The following LRRC4C variants were observed in gnomAD, a reference collection of about 807,000 sequenced individuals.
The protein encoded by LRRC4C is leucine-rich repeat-containing protein 4C.
In LRRC4C, 5 loss-of-function variants were observed where a neutral mutation model predicts 33.6. That is an observed-to-expected ratio of 0.15 (90% confidence interval 0.08 to 0.31). The LOEUF (loss-of-function observed/expected upper bound fraction) is 0.31, where lower values mean the gene tolerates loss of function less well. Ranked by LOEUF, LRRC4C falls within the 10% of genes least tolerant of loss-of-function variation. LRRC4C has a pLI of 1.00. For synonymous variants in LRRC4C, 329 were observed against 302.0 expected (o/e 1.09, Z -0.93); for missense variants, 560 against 796.7 (o/e 0.70, Z 3.58).
chr11:41,054,668 G>T (rs1858487470), intron 1 of LRRC4C, among the ~76,000 whole-genome samples: 1 of 152,156 alleles, frequency 6.6e-6, no homozygotes, highest in South Asian at 2.1e-4. Context: ...CTTATCTTTT[G>T]GGTTGATTGA....
intron 3 of LRRC4C, among the ~76,000 whole-genome samples, chr11:40,646,663 G>A (rs1440043687): frequency 1.3e-5 from 2 of 152,174 alleles, no homozygotes; most frequent in Non-Finnish European, 2.9e-5. Context: ...CCGGACTGCA[G>A]TGGCACTATC....
intron 2 of LRRC4C, among the ~76,000 whole-genome samples, chr11:40,877,673 G>A (rs966508089): frequency 6.6e-6 from 1 of 152,102 alleles, no homozygotes. Context: ...TTAGCAATGC[G>A]GTTAGCCACT....
At chr11:41,316,280 C>CAAAAA (rs796848005) in intron 1 of LRRC4C, among the ~76,000 whole-genome samples, 2 of 90,656 alleles carry the variant, frequency 2.2e-5, no homozygotes, top group Non-Finnish European at 4.6e-5. Flanking sequence ...AAAAAAAAAA[C>CAAAAA]AAAAAAAAAC....
chr11:40,740,996 C>T (rs1384409905), intron 2 of LRRC4C, among the ~76,000 whole-genome samples: 3 of 151,958 alleles, frequency 2.0e-5, no homozygotes, highest in African/African-American at 4.8e-5. Flanking sequence ...TGTTTCTATG[C>T]CAGTACCATA....
At chr11:40,242,471 A>G (rs1178329592) in intron 4 of LRRC4C, among the ~76,000 whole-genome samples, 1 of 152,224 alleles carries the variant, frequency 6.6e-6, no homozygotes, top group African/African-American at 2.4e-5. Flanking sequence ...TTAAGTTTAT[A>G]AAATCTGAGA....
At chr11:40,926,253 T>C (rs1377839289) in intron 2 of LRRC4C, among the ~76,000 whole-genome samples, 1 of 152,188 alleles carries the variant, frequency 6.6e-6, no homozygotes, top group Non-Finnish European at 1.5e-5. Flanking sequence ...CCTTCTGTCC[T>C]GTGACCTCCG....
chr11:41,341,031 T>A (rs903822541), intron 1 of LRRC4C, among the ~76,000 whole-genome samples: 3 of 151,308 alleles, frequency 2.0e-5, no homozygotes, highest in African/African-American at 7.2e-5. Flanking sequence ...GAAGAAGAAA[T>A]AAATGGGAAG....
chr11:41,221,515 A>G (rs1023062367), intron 1 of LRRC4C, among the ~76,000 whole-genome samples: 1 of 152,202 alleles, frequency 6.6e-6, no homozygotes, highest in Non-Finnish European at 1.5e-5. Context: ...ACATAAAGAC[A>G]TAAATACCAT....
intron 3 of LRRC4C, among the ~76,000 whole-genome samples, chr11:40,364,950 A>G (rs1333893217): frequency 1.3e-5 from 2 of 151,974 alleles, no homozygotes; most frequent in South Asian, 4.1e-4. Flanking sequence ...CTAGAATCCT[A>G]TATTTAGCAA....
intron 3 of LRRC4C, among the ~76,000 whole-genome samples, chr11:40,631,682 G>A (rs144594291): frequency 6.6e-6 from 1 of 151,976 alleles, no homozygotes; most frequent in Admixed American, 6.6e-5. Flanking sequence ...CATTGGCAAA[G>A]TAGAATTAAA....
intron 5 of LRRC4C, among the ~76,000 whole-genome samples, chr11:40,153,708 C>G (rs546311714): frequency 5.3e-5 from 8 of 152,014 alleles, no homozygotes; most frequent in Middle Eastern, 3.4e-3. Flanking sequence ...AGCTTGAAGA[C>G]AATGTCTTCG....
chr11:40,517,315 C>T (rs1005096962), intron 3 of LRRC4C, among the ~76,000 whole-genome samples: 1 of 152,096 alleles, frequency 6.6e-6, no homozygotes, highest in African/African-American at 2.4e-5. Context: ...ATGACTTTTC[C>T]AGTGTCCTGT....
Position 40,114,309 on chromosome 11 carries a change from G to C in LRRC4C, c.*61C>G. On this transcript the variant is annotated 3_prime_UTR_variant, in exon 7 of 7. Transcript: ENST00000528697. The stretch of plus-strand genomic sequence containing the variant: ...CAGTAGATTTAGCCCAGTCATTTGT[G>C]TCATTTTTAATAAACTGTCTTTTTT... The C allele has an allele frequency of 2.0e-6, 3 of 1,480,740 alleles. No individual in the cohort carries two copies. The highest frequency in any genetic ancestry group is 2.7e-6 in the Non-Finnish European group (3 of 1,111,114). 91.7% of individuals were successfully genotyped at this position (1,480,740 alleles called of 1,614,324 possible). A position where few individuals can be genotyped will look rare whatever the true frequency, so the allele number is the denominator to read the frequency against.
At chr11:41,376,838 T>C (rs949643609) in intron 1 of LRRC4C, among the ~76,000 whole-genome samples, 2 of 145,684 alleles carry the variant, frequency 1.4e-5, no homozygotes, top group East Asian at 1.9e-4. Context: ...AGAAAGAAAA[T>C]AGATAGATAC....
At position 40,464,122 on chromosome 11, in the gene LRRC4C, A is replaced by G. The variant is rs549050490; in HGVS notation, c.-269-144401T>C. 4.1e-4 allele frequency among the ~76,000 whole-genome samples: 63 copies of G among 152,208 alleles called. No individual in the cohort carries two copies. In the South Asian group the frequency reaches 0.013, roughly 31 times the overall value. ...AGTAAACTGAATGAAGTAGCCCTCA[A>G]AAAGATAGTACACCATGATCAAGTG... On this transcript the variant is annotated intron_variant, in intron 3 of 6. Transcript: ENST00000528697.
chr11:41,178,864 A>G (rs1363339264), intron 1 of LRRC4C, among the ~76,000 whole-genome samples: 2 of 152,012 alleles, frequency 1.3e-5, no homozygotes, highest in Non-Finnish European at 2.9e-5. Flanking sequence ...CACCATGCCC[A>G]GCTAATTTTT....
At chr11:41,076,718 G>A (rs80238985) in intron 1 of LRRC4C, among the ~76,000 whole-genome samples, 10 of 152,102 alleles carry the variant, frequency 6.6e-5, no homozygotes, top group Admixed American at 2.0e-4. Flanking sequence ...CAAATCTCAC[G>A]TCCTTTTCAC....
Position 40,761,840 on chromosome 11 carries a change from C to A in LRRC4C, c.-406-113562G>T, listed in dbSNP as rs529103131. ...CTGATGTGGTTCCACATTGAAATAA[C>A]AATCTTCCTGGGAGTAAGAGTTGGA... is the stretch of plus-strand genomic sequence containing the variant. On this transcript the variant is annotated intron_variant, in intron 2 of 6. Coordinates refer to ENST00000528697, the MANE Select transcript of LRRC4C (RefSeq NM_001258419.2). 5.9e-5 allele frequency among the ~76,000 whole-genome samples: 9 copies of A among 152,232 alleles called. No homozygotes were observed. In the East Asian group the frequency reaches 1.5e-3, roughly 26 times the overall value.
At chr11:41,300,960 G>A (rs1339234876) in intron 1 of LRRC4C, among the ~76,000 whole-genome samples, 1 of 152,146 alleles carries the variant, frequency 6.6e-6, no homozygotes, top group East Asian at 1.9e-4. Flanking sequence ...GTTGTTATGA[G>A]TCATCACTGA....
Sources: allele counts gnomAD v4.1 joint callset (sites outside exome capture counted in the v4.1 genomes callset), GRCh38; gene constraint gnomAD v4.1.1; transcripts MANE v1.5; gene names NCBI Gene and HGNC (gene_info 2026-07-23, HGNC 2026-07-21).